FOXP2: variants seen among roughly 807,000 people sequenced by gnomAD.
FOXP2 encodes forkhead box protein P2.
In FOXP2, 12 loss-of-function variants were observed where a neutral mutation model predicts 115.8. The ratio of observed to expected loss-of-function variants is 0.10; its 90% confidence interval spans 0.07 to 0.17. The LOEUF (loss-of-function observed/expected upper bound fraction) is 0.17. Among genes scored for constraint, FOXP2 ranks in the 10% least tolerant of loss-of-function variants. The pLI is 1.00. For missense variants in FOXP2, 629 were observed against 843.5 expected, an observed-to-expected ratio of 0.75 and a Z score of 3.15; for synonymous variants, 328 against 297.7, an observed-to-expected ratio of 1.10 and a Z score of -1.05.
At chr7:114,571,762 C>T (rs549650739) in intron 3 of FOXP2, among the ~76,000 whole-genome samples, 8 of 151,906 alleles carry the variant, frequency 5.3e-5, no homozygotes, top group African/African-American at 1.9e-4. Context: ...GGAGGATGTG[C>T]ATAGGTTATA....
chr7:114,314,812 T>C (rs1052969342), intron 2 of FOXP2, among the ~76,000 whole-genome samples: 4 of 152,206 alleles, frequency 2.6e-5, no homozygotes, highest in Non-Finnish European at 5.9e-5. Context: ...GTCTGCCTTA[T>C]TATCAACAGC....
chr7:114,229,851 A>G (rs1794830354), intron 1 of FOXP2, among the ~76,000 whole-genome samples: 1 of 151,730 alleles, frequency 6.6e-6, no homozygotes, highest in African/African-American at 2.4e-5. Context: ...AAGAAGAAGA[A>G]AAAATAAGCC....
intron 3 of FOXP2, among the ~76,000 whole-genome samples, chr7:114,614,389 A>G (rs969163237): frequency 4.6e-5 from 7 of 152,192 alleles, no homozygotes; most frequent in African/African-American, 1.7e-4. Context: ...GGTCTTTTTC[A>G]TATTGACCTA....
intron 1 of FOXP2, among the ~76,000 whole-genome samples, chr7:114,095,719 C>T (rs1799633743): frequency 6.6e-6 from 1 of 152,136 alleles, no homozygotes; most frequent in Non-Finnish European, 1.5e-5. Flanking sequence ...ATATATTTAG[C>T]TGTTGGTGGC....
At chr7:114,122,789 A>G (rs1221891192) in intron 1 of FOXP2, among the ~76,000 whole-genome samples, 1 of 152,116 alleles carries the variant, frequency 6.6e-6, no homozygotes, top group East Asian at 1.9e-4. Context: ...TATAGTATAC[A>G]TAACATTTGA....
chr7:114,635,150 G>A (rs1805148434), intron 6 of FOXP2, among the ~76,000 whole-genome samples: 2 of 152,064 alleles, frequency 1.3e-5, no homozygotes, highest in African/African-American at 4.8e-5. Context: ...ATGTTTTTAG[G>A]CTAAGTTAGA....
At chr7:114,152,425 C>T (rs1375934027) in intron 1 of FOXP2, among the ~76,000 whole-genome samples, 1 of 152,062 alleles carries the variant, frequency 6.6e-6, no homozygotes, top group East Asian at 1.9e-4. Context: ...GAGTGTTTGC[C>T]CATCAGAGCA....
chr7:114,217,975 G>T (rs1403556552), intron 1 of FOXP2, among the ~76,000 whole-genome samples: 1 of 152,078 alleles, frequency 6.6e-6, no homozygotes, highest in African/African-American at 2.4e-5. Flanking sequence ...CTTAGGCATG[G>T]ATGGCCATGA....
In FOXP2 at chr7:114,415,103, G is replaced by C. The variant is rs773052017; in HGVS notation, c.-268G>C. ...CGGACGCCAAAACAATCACAGAGCT[G>C]CTTGATTTGTTTTAATTACCAGCAC... On this transcript the variant is annotated 5_prime_UTR_variant, in exon 1 of 17. Transcript: ENST00000350908. 5 of 454,158 alleles carry C rather than the reference G, an allele frequency of 1.1e-5. No individual in the cohort carries two copies. Among genetic ancestry groups the C allele is most frequent in the South Asian group, 6.2e-5 (4 of 64,470 alleles). 28.1% of individuals were successfully genotyped at this position (454,158 alleles called of 1,614,324 possible).
intron 2 of FOXP2, among the ~76,000 whole-genome samples, chr7:114,449,177 T>G (rs1584749054): frequency 6.6e-6 from 1 of 152,072 alleles, no homozygotes; most frequent in East Asian, 1.9e-4. Context: ...TTTGTTCACA[T>G]TATTTAAAAA....
At chr7:114,129,140 T>C (rs2129144953) in intron 1 of FOXP2, among the ~76,000 whole-genome samples, 1 of 152,316 alleles carries the variant, frequency 6.6e-6, no homozygotes, top group South Asian at 2.1e-4. Context: ...TGTTAGATTA[T>C]AGAGCAAGAC....
intron 1 of FOXP2, among the ~76,000 whole-genome samples, chr7:114,208,369 C>T (rs138803604): frequency 1.3e-4 from 20 of 152,262 alleles, no homozygotes; most frequent in Admixed American, 1.0e-3. Context: ...TTACCCAATG[C>T]GTGTACCCCC....
intron 16 of FOXP2, among the ~76,000 whole-genome samples, chr7:114,685,970 G>GTT (rs530289364): frequency 1.4e-5 from 2 of 144,036 alleles, no homozygotes; most frequent in Middle Eastern, 3.3e-3. Context: ...GAAAACCGGT[G>GTT]TTTTTTTTTT....
chr7:114,382,885 T>A (rs961163781), intron 2 of FOXP2, among the ~76,000 whole-genome samples: 2 of 152,220 alleles, frequency 1.3e-5, no homozygotes, highest in Non-Finnish European at 2.9e-5. Context: ...GTGGACATCA[T>A]TGAATAATTC....
At chr7:114,357,140 A>G (rs1191286430) in intron 2 of FOXP2, among the ~76,000 whole-genome samples, 1 of 152,106 alleles carries the variant, frequency 6.6e-6, no homozygotes. Flanking sequence ...CCATTTGAAA[A>G]CCCTGATAAA....
intron 1 of FOXP2, among the ~76,000 whole-genome samples, chr7:114,149,241 G>A (rs911227541): frequency 6.6e-6 from 1 of 151,654 alleles, no homozygotes; most frequent in Admixed American, 6.6e-5. Context: ...TTTTCTCCTG[G>A]GTTGGTTGGT....
chr7:114,493,315 G>A (rs1797156001), intron 2 of FOXP2, among the ~76,000 whole-genome samples: 2 of 152,058 alleles, frequency 1.3e-5, no homozygotes, highest in South Asian at 2.1e-4. Flanking sequence ...CTGCACGTGA[G>A]ATGGGTTTCC....
intron 2 of FOXP2, among the ~76,000 whole-genome samples, chr7:114,382,850 A>G (rs994929342): frequency 2.6e-5 from 4 of 152,168 alleles, no homozygotes; most frequent in African/African-American, 4.8e-5. Flanking sequence ...AAGGCAGTAG[A>G]ATTTTCTTCC....
At chr7:114,545,555 G>A (rs1799875420) in intron 3 of FOXP2, among the ~76,000 whole-genome samples, 1 of 152,078 alleles carries the variant, frequency 6.6e-6, no homozygotes. Flanking sequence ...TACGCTCAAT[G>A]GGCTTCCCTT....
Sources: allele counts gnomAD v4.1 joint callset (sites outside exome capture counted in the v4.1 genomes callset), GRCh38; gene constraint gnomAD v4.1.1; transcripts MANE v1.5; gene names NCBI Gene and HGNC (gene_info 2026-07-23, HGNC 2026-07-21).